SH3BP2: variants seen among roughly 807,000 people sequenced by gnomAD.
The protein encoded by SH3BP2 is SH3 domain-binding protein 2.
Under a neutral mutation model 56.2 loss-of-function variants are expected in SH3BP2, and 38 were observed. That is an observed-to-expected ratio of 0.68 (90% confidence interval 0.52 to 0.89). The LOEUF (loss-of-function observed/expected upper bound fraction) is 0.89, where lower values mean the gene tolerates loss of function less well. Among genes scored for constraint, SH3BP2 ranks in the 40% least tolerant of loss-of-function variants. SH3BP2 has a pLI of 0.00. For synonymous variants in SH3BP2, 346 were observed against 316.7 expected (o/e 1.09, Z -0.98); for missense variants, 748 against 762.6 (o/e 0.98, Z 0.23).
chr4:2,808,790 C>T (rs1341853660), intron 1 of SH3BP2, among the ~76,000 whole-genome samples: 19 of 132,766 alleles, frequency 1.4e-4, no homozygotes, highest in Middle Eastern at 3.8e-3. Flanking sequence ...TCCTAGGGCT[C>T]AGTGCCCACC....
At position 2,829,480 on chromosome 4, in the gene SH3BP2, CTT is replaced by C; in HGVS notation, c.587-11_587-10del. The C allele has an allele frequency of 6.2e-7, 1 of 1,613,556 alleles. No homozygotes were observed. Among genetic ancestry groups the C allele is most frequent in the East Asian group, 2.2e-5 (1 of 44,878 alleles). ...CTCTGTCAGGGTCCAACCCGGGTCT[CTT>C]TGCTCTGCAGATGCCCTGATGCACC... On this transcript the variant is annotated splice_polypyrimidine_tract_variant and intron_variant, in intron 7 of 12. Coordinates refer to ENST00000503393, the MANE Select transcript of SH3BP2 (RefSeq NM_001122681.2). The surrounding 1 kb of genome is among the most constrained non-coding windows in gnomAD (Gnocchi z 4.9).
At chr4:2,799,312 T>C in intron 1 of SH3BP2, 1 of 985,336 alleles carries the variant, frequency 1.0e-6, no homozygotes, top group Non-Finnish European at 1.2e-6. Flanking sequence ...TGAGGTGGGA[T>C]GGGGCCCTGG....
intron 1 of SH3BP2, chr4:2,818,610 C>A: frequency 1.5e-6 from 1 of 650,858 alleles, no homozygotes; most frequent in Non-Finnish European, 2.0e-6. Flanking sequence ...CAGCTCCCCG[C>A]GGGCGGACTG....
intron 1 of SH3BP2, among the ~76,000 whole-genome samples, chr4:2,813,916 G>A (rs771008411): frequency 6.6e-6 from 1 of 152,192 alleles, no homozygotes; most frequent in Non-Finnish European, 1.5e-5. Context: ...TGAATAAAGT[G>A]CACAGGGTGA....
chr4:2,798,876 C>T, intron 1 of SH3BP2: 1 of 713,472 alleles, frequency 1.4e-6, no homozygotes, highest in Non-Finnish European at 1.7e-6. Context: ...GCATCCTCCG[C>T]CTTCTCTGGG....
chr4:2,822,028 C>CCCCCTCTTTT, intron 2 of SH3BP2, among the ~76,000 whole-genome samples: 1 of 151,966 alleles, frequency 6.6e-6, no homozygotes, highest in Non-Finnish European at 1.5e-5. Flanking sequence ...CCACCACGCC[C>CCCCCTCTTTT]AGCTAATTTT....
chr4:2,833,458 TG>T (rs1481784834), intron 12 of SH3BP2: 1 of 616,526 alleles, frequency 1.6e-6, no homozygotes, highest in Non-Finnish European at 2.9e-6. Flanking sequence ...TTCCTGACCT[TG>T]TCTGAAGTGC....
In SH3BP2 at chr4:2,825,108, A is replaced by G. The variant is rs1211355595; in HGVS notation, c.358-18A>G. 1.3e-6 allele frequency: 2 copies of G among 1,560,510 alleles called. No individual in the cohort carries two copies. The highest frequency in any genetic ancestry group is 1.2e-5 in the South Asian group (1 of 84,754). Reference sequence around the variant, plus strand: ...ACCCTGGTGGCACCGTGCCCACCACAGCCCCGCTGACCTGCAGAGCTGGAT... The same window carrying G: ...ACCCTGGTGGCACCGTGCCCACCACGGCCCCGCTGACCTGCAGAGCTGGAT... On this transcript the variant is annotated intron_variant, in intron 4 of 12. Transcript: ENST00000503393.
chr4:2,826,232 CG>C (rs1383752367), intron 5 of SH3BP2: 1 of 147,144 alleles, frequency 6.8e-6, no homozygotes, highest in Admixed American at 6.8e-5. Context: ...TGCATGTCCG[CG>C]TGTTGCTCCG....
chr4:2,812,290 CAGA>C, intron 1 of SH3BP2: 1 of 1,545,110 alleles, frequency 6.5e-7, no homozygotes, highest in Non-Finnish European at 8.7e-7. Flanking sequence ...CCACAGGCCT[CAGA>C]AGCAGCAGGA....
intron 1 of SH3BP2, among the ~76,000 whole-genome samples, chr4:2,812,738 C>T (rs1275541215): frequency 1.3e-5 from 2 of 152,026 alleles, no homozygotes; most frequent in Non-Finnish European, 2.9e-5. Context: ...CCCACCCCCC[C>T]ATCACATGCG....
chr4:2,808,646 G>C (rs1325859988), intron 1 of SH3BP2, among the ~76,000 whole-genome samples: 1 of 152,118 alleles, frequency 6.6e-6, no homozygotes, highest in Non-Finnish European at 1.5e-5. Context: ...GGGAGAGCCT[G>C]GGAGGGTCCC....
At chr4:2,822,019 C>T (rs953906299) in intron 2 of SH3BP2, among the ~76,000 whole-genome samples, 4 of 152,044 alleles carry the variant, frequency 2.6e-5, no homozygotes, top group African/African-American at 9.7e-5. Context: ...AGGAGTGTGC[C>T]ACCACGCCCA....
intron 1 of SH3BP2, among the ~76,000 whole-genome samples, chr4:2,801,147 G>C (rs116471475): frequency 0.012 from 1,770 of 152,330 alleles, 19 homozygotes; most frequent in African/African-American, 0.041. Context: ...GGGGTGCAGA[G>C]AGGCTGCGGC....
At chr4:2,801,470 C>T (rs1383331097) in intron 1 of SH3BP2, among the ~76,000 whole-genome samples, 9 of 152,220 alleles carry the variant, frequency 5.9e-5, no homozygotes, top group Admixed American at 5.9e-4. Context: ...CTTCCTGTTG[C>T]CTCCCTCTTG....
intron 1 of SH3BP2, chr4:2,818,347 T>G: frequency 8.5e-7 from 1 of 1,174,018 alleles, no homozygotes; most frequent in Middle Eastern, 3.4e-4. Flanking sequence ...GAGGCGGGCG[T>G]GGATCGCCCC....
At chr4:2,802,945 G>T (rs548577456) in intron 1 of SH3BP2, among the ~76,000 whole-genome samples, 439 of 152,258 alleles carry the variant, frequency 2.9e-3, no homozygotes, top group Non-Finnish European at 5.1e-3. Flanking sequence ...CATGATGGGG[G>T]CCACGCCTGG....
chr4:2,824,409 C>A (rs1724476381), intron 3 of SH3BP2, among the ~76,000 whole-genome samples: 1 of 152,182 alleles, frequency 6.6e-6, no homozygotes. Context: ...CCCAGCACCC[C>A]TCTTCCATGC....
Position 2,824,623 on chromosome 4 carries a change from G to C in SH3BP2, c.250G>C (p.Ala84Pro). ...GCGCTGTGCCCCCAGGGTGATGCGG[G>C]CGGCTGAGGAGACCACGTCCAACAA... The part of the protein sequence containing the change: ...SLSGYNRVMR[A>P]AEETTSNNVF... The change falls in exon 4 of 13, where the codon GCG (alanine) becomes CCG (proline). Residue 84 changes from alanine to proline, a missense_variant. Ala to Pro is a conservative substitution (Grantham distance 27). Around this residue, in one of 3 missense-constraint regions of SH3BP2, gnomAD observed 104 missense variants for 123.1 expected, o/e 0.84. Coordinates refer to ENST00000503393, the MANE Select transcript of SH3BP2 (RefSeq NM_001122681.2). 6.2e-7 allele frequency: 1 copy of C among 1,613,546 alleles called. No homozygotes were observed. Among genetic ancestry groups the C allele is most frequent in the Non-Finnish European group, 8.5e-7 (1 of 1,179,882 alleles).
Sources: allele counts gnomAD v4.1 joint callset (sites outside exome capture counted in the v4.1 genomes callset), GRCh38; gene constraint gnomAD v4.1.1; regional missense constraint gnomAD v4.1.1; non-coding constraint Gnocchi (gnomAD v3.1); transcripts MANE v1.5; gene names NCBI Gene and HGNC (gene_info 2026-07-23, HGNC 2026-07-21).